The following SMARCC1 variants were observed in gnomAD, a reference collection of about 807,000 sequenced individuals.
SMARCC1 encodes SWI/SNF related BAF chromatin remodeling complex subunit C1.
A neutral mutation model predicts 147.4 loss-of-function variants in SMARCC1; 43 were observed. The observed-to-expected ratio is 0.29, with a 90% CI of 0.23 to 0.38. The LOEUF is 0.38. Ranked by LOEUF, SMARCC1 falls within the 10% of genes least tolerant of loss-of-function variation. The pLI is 1.00. For synonymous variants in SMARCC1, 495 were observed against 484.4 expected, an observed-to-expected ratio of 1.02 and a Z score of -0.29; for missense variants, 1,119 against 1,381.1, an observed-to-expected ratio of 0.81 and a Z score of 3.01.
At chr3:47,708,203 G>A (rs1195168719) in intron 9 of SMARCC1, among the ~76,000 whole-genome samples, 17 of 134,544 alleles carry the variant, frequency 1.3e-4, no homozygotes, top group African/African-American at 4.4e-4. Context: ...AAATTCAAGT[G>A]ATTACGGATC....
intron 25 of SMARCC1, among the ~76,000 whole-genome samples, chr3:47,614,430 G>A (rs1212750947): frequency 6.6e-6 from 1 of 152,176 alleles, no homozygotes; most frequent in East Asian, 1.9e-4. Flanking sequence ...TCAATTGTAT[G>A]ACAGGCAGCA....
chr3:47,623,035 C>T (rs142668663), intron 24 of SMARCC1, among the ~76,000 whole-genome samples: 1 of 151,996 alleles, frequency 6.6e-6, no homozygotes, highest in Non-Finnish European at 1.5e-5. Flanking sequence ...CCTCTATAGA[C>T]GTCATCCAAG....
chr3:47,602,742 A>G (rs2032408142), intron 26 of SMARCC1, among the ~76,000 whole-genome samples: 1 of 152,228 alleles, frequency 6.6e-6, no homozygotes, highest in African/African-American at 2.4e-5. Flanking sequence ...TAAATCAAAC[A>G]TGTTCTTTCC....
chr3:47,774,057 A>C (rs1039340969), intron 1 of SMARCC1, among the ~76,000 whole-genome samples: 1 of 152,188 alleles, frequency 6.6e-6, no homozygotes, highest in East Asian at 1.9e-4. Flanking sequence ...ACTACCATCC[A>C]ACATTTCAAG....
intron 1 of SMARCC1, among the ~76,000 whole-genome samples, chr3:47,775,677 G>A (rs2106880021): frequency 6.6e-6 from 1 of 151,116 alleles, no homozygotes; most frequent in East Asian, 2.0e-4. Context: ...GCGGCTGAGG[G>A]AGGAGAATCG....
chr3:47,665,274 CCTCTG>C (rs1284303813), intron 19 of SMARCC1, among the ~76,000 whole-genome samples: 1 of 152,154 alleles, frequency 6.6e-6, no homozygotes, highest in African/African-American at 2.4e-5. Context: ...TTCTGGGTTT[CCTCTG>C]GATATTCAGT....
chr3:47,738,422 A>C (rs1576427064), intron 3 of SMARCC1, among the ~76,000 whole-genome samples: 1 of 152,204 alleles, frequency 6.6e-6, no homozygotes, highest in Non-Finnish European at 1.5e-5. Flanking sequence ...GCAGTGGCTG[A>C]CGCCTGTAAT....
At chr3:47,778,213 A>T (rs2035000389) in intron 1 of SMARCC1, among the ~76,000 whole-genome samples, 1 of 55,496 alleles carries the variant, frequency 1.8e-5, no homozygotes, top group African/African-American at 5.3e-5. Context: ...CAAAAAACAA[A>T]AAACAAAAAA....
At chr3:47,685,241 G>A (rs539604177) in intron 14 of SMARCC1, among the ~76,000 whole-genome samples, 1 of 151,974 alleles carries the variant, frequency 6.6e-6, no homozygotes, top group South Asian at 2.1e-4. Context: ...TGTACAGTGT[G>A]TCTACATTGA....
intron 26 of SMARCC1, among the ~76,000 whole-genome samples, chr3:47,596,350 A>T (rs1001365206): frequency 6.6e-6 from 1 of 152,006 alleles, no homozygotes; most frequent in African/African-American, 2.4e-5. Context: ...CAGGTGGATC[A>T]AGAGGTCAGG....
chr3:47,736,765 G>T (rs1253135902), intron 4 of SMARCC1, among the ~76,000 whole-genome samples: 2 of 151,930 alleles, frequency 1.3e-5, no homozygotes, highest in Admixed American at 6.6e-5. Context: ...CCCAAATCAT[G>T]AAGAAAACCC....
At chr3:47,624,455 T>G (rs2032778405) in intron 24 of SMARCC1, among the ~76,000 whole-genome samples, 1 of 152,176 alleles carries the variant, frequency 6.6e-6, no homozygotes, top group Admixed American at 6.5e-5. Flanking sequence ...AAAATTGGAC[T>G]GCATCAGACT....
intron 7 of SMARCC1, among the ~76,000 whole-genome samples, chr3:47,717,122 T>C (rs1473560338): frequency 2.0e-5 from 3 of 152,206 alleles, no homozygotes; most frequent in Non-Finnish European, 4.4e-5. Context: ...TTTAAAAATA[T>C]AATTACAAGC....
intron 26 of SMARCC1, among the ~76,000 whole-genome samples, chr3:47,595,838 G>A (rs1461752766): frequency 6.6e-6 from 1 of 150,936 alleles, no homozygotes; most frequent in Admixed American, 6.6e-5. Flanking sequence ...TGGTTCAGGT[G>A]AGTCTCCTGC....
chr3:47,774,499 G>T (rs1351903869), intron 1 of SMARCC1, among the ~76,000 whole-genome samples: 2 of 151,954 alleles, frequency 1.3e-5, no homozygotes, highest in Non-Finnish European at 2.9e-5. Flanking sequence ...CTCAGTGCAA[G>T]CTCTGCCTTC....
intron 26 of SMARCC1, among the ~76,000 whole-genome samples, chr3:47,596,545 T>G (rs1275062775): frequency 6.7e-6 from 1 of 149,836 alleles, no homozygotes; most frequent in African/African-American, 2.5e-5. Flanking sequence ...CCAGCCTGGG[T>G]GACAGAGTCA....
At chr3:47,694,243 A>G (rs2033822195) in intron 11 of SMARCC1, among the ~76,000 whole-genome samples, 1 of 152,158 alleles carries the variant, frequency 6.6e-6, no homozygotes, top group African/African-American at 2.4e-5. Flanking sequence ...GGTGCATGCA[A>G]TTATTTAAGA....
At chr3:47,722,584 C>A (rs1464396369) in intron 6 of SMARCC1, among the ~76,000 whole-genome samples, 1 of 152,158 alleles carries the variant, frequency 6.6e-6, no homozygotes, top group Non-Finnish European at 1.5e-5. Flanking sequence ...GCATGAGCCG[C>A]TGTGCCTGGC....
chr3:47,674,287 T>C (rs757053544), intron 18 of SMARCC1, among the ~76,000 whole-genome samples: 1 of 152,230 alleles, frequency 6.6e-6, no homozygotes, highest in Non-Finnish European at 1.5e-5. Context: ...GGGATCATTA[T>C]CCTTCATGCT....
Sources: gnomAD v4.1 joint callset for allele counts (sites outside exome capture counted in the v4.1 genomes callset) on GRCh38, gnomAD v4.1.1 for gene constraint, MANE v1.5 for transcripts, NCBI Gene and HGNC (gene_info 2026-07-23, HGNC 2026-07-21) for gene names.